The following KYAT1 variants were observed in gnomAD, a reference collection of about 807,000 sequenced individuals.
KYAT1 encodes kynurenine--oxoglutarate transaminase 1.
A neutral mutation model predicts 52.4 loss-of-function variants in KYAT1; 47 were observed. That is an observed-to-expected ratio of 0.90 (90% CI 0.71 to 1.14). The LOEUF (loss-of-function observed/expected upper bound fraction) is 1.14, where lower values mean the gene tolerates loss of function less well. Among genes scored for constraint, KYAT1 ranks in the 50% most tolerant of loss-of-function variants. KYAT1 has a pLI of 0.00. For missense variants in KYAT1, 480 were observed against 557.9 expected (o/e 0.86, Z 1.41); for synonymous variants, 212 against 209.6 (o/e 1.01, Z -0.10).
intron 1 of KYAT1, among the ~76,000 whole-genome samples, chr9:128,866,526 G>T (rs758011304): frequency 1.3e-5 from 2 of 152,192 alleles, no homozygotes. Context: ...TTGAACCTGG[G>T]AAGTGGAGGT....
At position 128,836,861 on chromosome 9, in the gene KYAT1, C is replaced by T. The variant is rs368068839; in HGVS notation, c.629G>A (p.Cys210Tyr). The change falls in exon 7 of 13, where the codon TGT becomes TAT. Residue 210 changes from cysteine (C) to tyrosine (Y), a missense_variant. Physicochemically the swap from Cys to Tyr is radical, Grantham distance 194 (BLOSUM62 -2). Transcript: ENST00000302586. Reference sequence around the variant, plus strand: ...CCACTGGTAGACTTCATCAGTGATACACACCACGTCATGCTGCTGGCAAAG... The same window carrying T: ...CCACTGGTAGACTTCATCAGTGATATACACCACGTCATGCTGCTGGCAAAG... ...ASLCQQHDVV[C>Y]ITDEVYQWMV... The T allele has an allele frequency of 2.3e-5, 37 of 1,613,862 alleles. No individual in the cohort carries two copies. The highest frequency in any genetic ancestry group is 1.6e-4 in the African/African-American group (12 of 74,908).
At chr9:128,838,507 G>A (rs532010700) in intron 3 of KYAT1, 140 bp from the exon 4 acceptor site, 308 of 853,848 alleles carry the variant, frequency 3.6e-4, no homozygotes, top group Admixed American at 5.8e-4. Flanking sequence ...CCCAGGGGAC[G>A]TGGAATAGAT....
intron 1 of KYAT1, among the ~76,000 whole-genome samples, chr9:128,845,698 C>T (rs1295432715): frequency 4.6e-5 from 7 of 152,318 alleles, no homozygotes; most frequent in African/African-American, 1.2e-4. Flanking sequence ...TGGCTCCATG[C>T]GTCCTGAGAC....
At chr9:128,841,752 C>G (rs1027725918) in intron 3 of KYAT1, among the ~76,000 whole-genome samples, 2 of 150,006 alleles carry the variant, frequency 1.3e-5, no homozygotes. Flanking sequence ...AATCCCAGCA[C>G]TTTTGGAGGC....
At chr9:128,880,757 C>T (rs1838733086) in intron 1 of KYAT1, among the ~76,000 whole-genome samples, 1 of 151,910 alleles carries the variant, frequency 6.6e-6, no homozygotes, top group South Asian at 2.1e-4. Flanking sequence ...TATGATATTG[C>T]TAAGTTTCCT....
rs1338276860 is a variant in KYAT1 at position 128,835,522 on chromosome 9, G to A, written c.1001C>T (p.Pro334Leu). The A allele has an allele frequency of 1.9e-6, 3 of 1,613,794 alleles. No homozygotes were observed. Among genetic ancestry groups the A allele is most frequent in the Non-Finnish European group, 1.7e-6 (2 of 1,180,026 alleles). ...TGTGATGAGGAAGTAGCTGCCCTGA[G>A]GGATGATGGGCTTCAGGCCCACTGA... The part of the protein sequence containing the change: ...LQSVGLKPII[P>L]QGSYFLITDI... The change falls in exon 10 of 13, where the codon CCT becomes CTT. Residue 334 changes from proline to leucine, a missense_variant. Physicochemically the swap from Pro to Leu is moderately conservative, Grantham distance 98. Transcript: ENST00000302586.
intron 1 of KYAT1, among the ~76,000 whole-genome samples, chr9:128,874,256 CA>C (rs200368642): frequency 0.063 from 8,485 of 133,978 alleles, 261 homozygotes; most frequent in African/African-American, 0.11. Context: ...AACTTCATTC[CA>C]AAAAAAAAAA....
intron 3 of KYAT1, among the ~76,000 whole-genome samples, chr9:128,839,611 C>T (rs7849982): frequency 0.34 from 51,272 of 151,764 alleles, 10,360 homozygotes; most frequent in African/African-American, 0.58. Context: ...GGCGACAGAG[C>T]GAGACTCCGT....
At chr9:128,856,802 A>C (rs1041901412) in intron 1 of KYAT1, among the ~76,000 whole-genome samples, 1 of 152,254 alleles carries the variant, frequency 6.6e-6, no homozygotes, top group Non-Finnish European at 1.5e-5. Flanking sequence ...GTATTGTCCA[A>C]GGTTTCTCCC....
At position 128,833,266 on chromosome 9, in the gene KYAT1, C is replaced by T. The variant is rs551291200; in HGVS notation, c.*318G>A. The T allele has an allele frequency of 2.0e-5, 10 of 494,564 alleles. No individual in the cohort carries two copies. Among genetic ancestry groups the T allele is most frequent in the South Asian group, 2.4e-5 (1 of 42,410 alleles). 30.6% of individuals were successfully genotyped at this position (494,564 alleles called of 1,614,324 possible). A position where few individuals can be genotyped will look rare whatever the true frequency, so the allele number is the denominator to read the frequency against. ...GGGCCATGCAGAGCTGGGATGTGATCGGTACATGGTGGAAGTCTACCGTCC... is the reference window on the plus strand; with the variant it reads ...GGGCCATGCAGAGCTGGGATGTGATTGGTACATGGTGGAAGTCTACCGTCC... On this transcript the variant is annotated 3_prime_UTR_variant, in exon 13 of 13. Transcript: ENST00000302586.
intron 11 of KYAT1, 38 bp downstream of exon 11, chr9:128,835,285 G>A (rs191901555): frequency 8.2e-5 from 129 of 1,571,108 alleles, no homozygotes; most frequent in Non-Finnish European, 1.1e-4. Flanking sequence ...CACAACCTGT[G>A]AAACCATACA....
chr9:128,847,370 C>T (rs879386115), intron 1 of KYAT1: 32 of 1,135,062 alleles, frequency 2.8e-5, no homozygotes, highest in African/African-American at 1.9e-4. Flanking sequence ...AAGCCAGGAA[C>T]GAGCCAGACC....
chr9:128,869,676 C>T (rs1010573784), intron 1 of KYAT1, among the ~76,000 whole-genome samples: 5 of 152,052 alleles, frequency 3.3e-5, no homozygotes, highest in South Asian at 4.1e-4. Flanking sequence ...TCTAGCAATC[C>T]TCCCGTTTCG....
rs530615757 is a variant in KYAT1 at position 128,833,436 on chromosome 9, C to T, written c.*148G>A. Reference sequence around the variant, plus strand: ...CTCTAAGATGAAGAAGGGCGGCTCCCACCCAGAACATTCTGTGTCACGGAG... The same window carrying T: ...CTCTAAGATGAAGAAGGGCGGCTCCTACCCAGAACATTCTGTGTCACGGAG... On this transcript the variant is annotated 3_prime_UTR_variant, in exon 13 of 13. Transcript: ENST00000302586. 21 of 820,750 alleles carry T rather than the reference C, an allele frequency of 2.6e-5. No homozygotes were observed. The East Asian group carries it at 3.7e-4, about 14-fold the overall frequency. 50.8% of individuals were successfully genotyped at this position (820,750 alleles called of 1,614,324 possible). A position where few individuals can be genotyped will look rare whatever the true frequency, so the allele number is the denominator to read the frequency against.
rs145639940 is a variant in KYAT1, at chr9:128,842,686, C to T, written c.169G>A (p.Asp57Asn). Residue 57 changes from aspartate to asparagine, a missense_variant, in exon 3 of 13, where the codon GAC becomes AAC. By Grantham distance (23) the Asp-to-Asn change is conservative (BLOSUM62 1). Transcript: ENST00000302586. ...VEAFQHAVSG[D>N]FMLNQYTKTF... ...TTGGTGTACTGGTTAAGCATGAAGT[C>T]TCCACTGACAGCGTGCTGAAAGGCT... 127 of 1,614,182 alleles carry T rather than the reference C, an allele frequency of 7.9e-5. No homozygotes were observed. The East Asian group carries it at 2.6e-3, about 33-fold the overall frequency.
At chr9:128,880,830 G>A (rs1365090856) in intron 1 of KYAT1, among the ~76,000 whole-genome samples, 1 of 152,132 alleles carries the variant, frequency 6.6e-6, no homozygotes, top group Non-Finnish European at 1.5e-5. Context: ...CAACAGAAGT[G>A]AAACTAGGCA....
At position 128,833,617 on chromosome 9, in the gene KYAT1, G is replaced by A. The variant is rs768364741; in HGVS notation, c.1236C>T (p.Asp412=). Reference sequence around the variant, plus strand: ...CCACCTTCCACTTCCGCAGCTTCTCGTCCATGGCCTGGAGCGTGGCTTCAT... The same window carrying A: ...CCACCTTCCACTTCCGCAGCTTCTCATCCATGGCCTGGAGCGTGGCTTCAT... ...VKDEATLQAM[D]EKLRKWKVEL The change falls in exon 13 of 13, where the codon GAC becomes GAT. Residue 412 remains aspartate (D), a synonymous_variant. Transcript: ENST00000302586. 28 of 1,614,058 alleles carry A rather than the reference G, an allele frequency of 1.7e-5. No individual in the cohort carries two copies. The highest frequency in any genetic ancestry group is 2.2e-5 in the South Asian group (2 of 91,082).
chr9:128,833,374 A>G lies in KYAT1; in HGVS notation c.*210T>C. On this transcript the variant is annotated 3_prime_UTR_variant, in exon 13 of 13. Transcript: ENST00000302586. ...GGAGGGGCAGGGAGAGGCCCAGGTC[A>G]GGCCACCCTCACCTTTCAGACAGGA... 2 of 623,276 alleles carry G rather than the reference A, an allele frequency of 3.2e-6. No individual in the cohort carries two copies. Among genetic ancestry groups the G allele is most frequent in the Non-Finnish European group, 5.7e-6 (2 of 352,634 alleles). 38.6% of individuals were successfully genotyped at this position (623,276 alleles called of 1,614,324 possible).
rs200342115 is a variant in KYAT1, at chr9:128,838,300, G to C, written c.269C>G (p.Pro90Arg). The C allele has an allele frequency of 6.2e-7, 1 of 1,614,126 alleles. No individual in the cohort carries two copies. Reference protein sequence around the residue: ...FGELLGQEIDPLRNVLVTVGG... With the variant: ...FGELLGQEIDRLRNVLVTVGG... ...AACAGTCACCAGCACATTCCTGAGCGGGTCTATCTCCTGACCCAGCAGCTC... is the reference window on the plus strand; with the variant it reads ...AACAGTCACCAGCACATTCCTGAGCCGGTCTATCTCCTGACCCAGCAGCTC... Residue 90 changes from proline to arginine, a missense_variant, in exon 4 of 13, where the codon CCG (proline) becomes CGG (arginine). Coordinates refer to ENST00000302586, the MANE Select transcript of KYAT1 (RefSeq NM_004059.5).
Sources: allele counts gnomAD v4.1 joint callset (sites outside exome capture counted in the v4.1 genomes callset), GRCh38; gene constraint gnomAD v4.1.1; transcripts MANE v1.5; gene names NCBI Gene and HGNC (gene_info 2026-07-23, HGNC 2026-07-21).